ADGRB3: variants seen among roughly 807,000 people sequenced by gnomAD.
The protein encoded by ADGRB3 is adhesion G protein-coupled receptor B3.
In ADGRB3, 37 loss-of-function variants were observed where a neutral mutation model predicts 193.4. The ratio of observed to expected loss-of-function variants is 0.19; its 90% CI spans 0.15 to 0.25. The LOEUF is 0.25. Ranked by LOEUF, ADGRB3 falls within the 10% of genes least tolerant of loss-of-function variation. The pLI is 1.00. For missense variants in ADGRB3, 1,637 were observed against 1,852.9 expected (o/e 0.88, Z 2.14); for synonymous variants, 690 against 644.2 (o/e 1.07, Z -1.08).
chr6:68,749,404 A>C (rs1024696931), intron 3 of ADGRB3, among the ~76,000 whole-genome samples: 11 of 107,514 alleles, frequency 1.0e-4, no homozygotes, highest in African/African-American at 3.5e-4. Flanking sequence ...TTATATATAT[A>C]TATATGTGTG....
chr6:69,286,183 T>C (rs1767548290), intron 20 of ADGRB3, among the ~76,000 whole-genome samples: 1 of 151,534 alleles, frequency 6.6e-6, no homozygotes. Context: ...TTCTTAATTA[T>C]TTTTTTTTCC....
intron 3 of ADGRB3, among the ~76,000 whole-genome samples, chr6:68,873,508 G>A (rs896868913): frequency 6.6e-6 from 1 of 152,088 alleles, no homozygotes; most frequent in Non-Finnish European, 1.5e-5. Flanking sequence ...TGATAAGATA[G>A]GAGGCAGTGC....
intron 3 of ADGRB3, among the ~76,000 whole-genome samples, chr6:68,840,667 C>G (rs888197248): frequency 6.6e-6 from 1 of 150,636 alleles, no homozygotes; most frequent in Non-Finnish European, 1.5e-5. Flanking sequence ...CAGGTAGATT[C>G]AAGAGGTAGG....
chr6:68,915,577 T>C (rs1399961067), intron 3 of ADGRB3, among the ~76,000 whole-genome samples: 1 of 152,172 alleles, frequency 6.6e-6, no homozygotes, highest in African/African-American at 2.4e-5. Flanking sequence ...GGGATCTAAG[T>C]GTTGTTGCGT....
At chr6:68,968,147 T>G (rs2150261830) in intron 8 of ADGRB3, among the ~76,000 whole-genome samples, 1 of 152,250 alleles carries the variant, frequency 6.6e-6, no homozygotes, top group Non-Finnish European at 1.5e-5. Context: ...AAGCATTGAC[T>G]TATTTCACAT....
intron 3 of ADGRB3, among the ~76,000 whole-genome samples, chr6:68,696,058 C>T (rs759036722): frequency 1.1e-4 from 17 of 152,008 alleles, no homozygotes; most frequent in Admixed American, 3.3e-4. Flanking sequence ...TTCCTCCTCT[C>T]TGAAGGCTTT....
At chr6:69,361,656 T>C (rs1769455121) in intron 29 of ADGRB3, 144 bp downstream of exon 29, 2 of 982,322 alleles carry the variant, frequency 2.0e-6, no homozygotes, top group Admixed American at 3.0e-5. Context: ...TTTTGTATCA[T>C]GAAAATTTCT....
chr6:68,741,916 G>A (rs182063095), intron 3 of ADGRB3, among the ~76,000 whole-genome samples: 5 of 152,046 alleles, frequency 3.3e-5, no homozygotes, highest in African/African-American at 7.2e-5. Flanking sequence ...TATCATTCAC[G>A]AGTTCACATG....
chr6:69,184,006 A>T (rs2150352466), intron 17 of ADGRB3, among the ~76,000 whole-genome samples: 1 of 152,264 alleles, frequency 6.6e-6, no homozygotes, highest in Admixed American at 6.5e-5. Context: ...CAAGTGTGAT[A>T]ACTTAAAACA....
intron 17 of ADGRB3, among the ~76,000 whole-genome samples, chr6:69,118,663 C>T (rs1266770045): frequency 1.3e-5 from 2 of 150,838 alleles, no homozygotes; most frequent in African/African-American, 4.9e-5. Flanking sequence ...AGGTTAGATT[C>T]GATGTTAAGG....
intron 13 of ADGRB3, among the ~76,000 whole-genome samples, chr6:69,019,707 A>T (rs1770204502): frequency 6.6e-6 from 1 of 151,948 alleles, no homozygotes; most frequent in African/African-American, 2.4e-5. Flanking sequence ...TAACATCTTA[A>T]TGCATCTTCT....
rs62416515 is a variant in ADGRB3, at chr6:68,649,062, T to C, written c.757+9630T>C. On this transcript the variant is annotated intron_variant, in intron 3 of 31. Coordinates refer to ENST00000370598, the MANE Select transcript of ADGRB3 (RefSeq NM_001704.3). ...ATCTGCCCCATTGAAGTGTCAATTA[T>C]GCAGAATACTCTAAAAATCATGGTC... Among the ~76,000 whole-genome samples the C allele has an allele frequency of 2.6e-3, 400 of 152,268 alleles. 1 individual carries two copies. The highest frequency in any genetic ancestry group is 5.0e-3 in the Non-Finnish European group (341 of 67,986).
intron 20 of ADGRB3, among the ~76,000 whole-genome samples, chr6:69,307,472 T>A (rs886576879): frequency 6.6e-6 from 1 of 151,570 alleles, no homozygotes; most frequent in African/African-American, 2.4e-5. Context: ...TCTTGCAATA[T>A]CTTATTTGAA....
chr6:69,100,944 AGGAAAGGAGGGAGGGAGGGAGAAAG>A (rs1773033629), intron 17 of ADGRB3, among the ~76,000 whole-genome samples: 1 of 3,084 alleles, frequency 3.2e-4, no homozygotes, highest in Non-Finnish European at 8.3e-4. Flanking sequence ...GAGGGAAGGA[AGGAAAGGAGGGAGGGAGGGAGAAAG>A]GGAAGGAAGG....
chr6:68,909,147 A>G (rs1165479654), intron 3 of ADGRB3, among the ~76,000 whole-genome samples: 1 of 152,220 alleles, frequency 6.6e-6, no homozygotes, highest in Non-Finnish European at 1.5e-5. Context: ...AAAACCAAAT[A>G]ACATCTTGTT....
At chr6:68,992,493 A>G (rs1288767881) in intron 10 of ADGRB3, among the ~76,000 whole-genome samples, 1 of 152,166 alleles carries the variant, frequency 6.6e-6, no homozygotes, top group Admixed American at 6.6e-5. Flanking sequence ...CTGACACTAC[A>G]GAGATAGGTA....
intron 3 of ADGRB3, among the ~76,000 whole-genome samples, chr6:68,883,017 C>T (rs549515788): frequency 1.5e-4 from 23 of 152,090 alleles, no homozygotes; most frequent in African/African-American, 2.7e-4. Flanking sequence ...CCTCAGCCTC[C>T]GGAGTAGCTG....
intron 3 of ADGRB3, among the ~76,000 whole-genome samples, chr6:68,723,746 G>A (rs1357623989): frequency 6.6e-6 from 1 of 151,624 alleles, no homozygotes. Context: ...AATACCTATT[G>A]CCTCACATTG....
At chr6:68,987,383 A>G (rs1166633863) in intron 10 of ADGRB3, among the ~76,000 whole-genome samples, 2 of 152,072 alleles carry the variant, frequency 1.3e-5, no homozygotes, top group Non-Finnish European at 2.9e-5. Context: ...CATAAAAACA[A>G]CTACTACTCA....
Sources: allele counts gnomAD v4.1 joint callset (sites outside exome capture counted in the v4.1 genomes callset), GRCh38; gene constraint gnomAD v4.1.1; transcripts MANE v1.5; gene names NCBI Gene and HGNC (gene_info 2026-07-23, HGNC 2026-07-21).